Variants in CADM2 observed in about 807,000 individuals in gnomAD.
CADM2 encodes cell adhesion molecule 2.
Under a neutral mutation model 49.8 loss-of-function variants are expected in CADM2, and 12 were observed. The observed-to-expected ratio is 0.24, with a 90% CI of 0.15 to 0.39. The LOEUF (loss-of-function observed/expected upper bound fraction) is 0.39, where lower values mean the gene tolerates loss of function less well. CADM2 is among the 10% of genes least tolerant of loss of function. The probability of loss-of-function intolerance (pLI) is 1.00; values close to 1 mark genes in which losing one functional copy is unlikely to be tolerated. For missense variants in CADM2, 378 were observed against 492.3 expected (o/e 0.77, Z 2.20); for synonymous variants, 214 against 175.4 (o/e 1.22, Z -1.74).
intron 1 of CADM2, among the ~76,000 whole-genome samples, chr3:85,138,277 A>T (rs192465985): frequency 6.6e-6 from 1 of 152,278 alleles, no homozygotes; most frequent in Non-Finnish European, 1.5e-5. Context: ...GATGGGTTAC[A>T]GACACTTTTC....
intron 1 of CADM2, among the ~76,000 whole-genome samples, chr3:85,398,752 GCC>G (rs2034929404): frequency 1.3e-5 from 2 of 152,128 alleles, no homozygotes; most frequent in Non-Finnish European, 2.9e-5. Flanking sequence ...TTCTCTGATG[GCC>G]AGTGATGATG....
chr3:85,270,986 A>G (rs1262102566), intron 1 of CADM2, among the ~76,000 whole-genome samples: 1 of 151,160 alleles, frequency 6.6e-6, no homozygotes, highest in East Asian at 1.9e-4. Context: ...GTGTTTTTCA[A>G]TTTTCCATTT....
At chr3:85,781,313 T>C (rs2070636838) in intron 2 of CADM2, among the ~76,000 whole-genome samples, 1 of 152,208 alleles carries the variant, frequency 6.6e-6, no homozygotes, top group Non-Finnish European at 1.5e-5. Flanking sequence ...TACTGAACTA[T>C]TTTATGAACT....
At chr3:85,276,260 A>G (rs965020078) in intron 1 of CADM2, among the ~76,000 whole-genome samples, 2 of 151,274 alleles carry the variant, frequency 1.3e-5, no homozygotes, top group African/African-American at 2.4e-5. Flanking sequence ...CATTCTGTCC[A>G]TTTCCATATG....
intron 1 of CADM2, among the ~76,000 whole-genome samples, chr3:85,133,901 T>A (rs1182819989): frequency 6.6e-6 from 1 of 152,266 alleles, no homozygotes; most frequent in Middle Eastern, 3.4e-3. Flanking sequence ...CTGGGCGCCG[T>A]GGAGCAGGGG....
intron 1 of CADM2, among the ~76,000 whole-genome samples, chr3:85,611,012 G>A (rs1195476440): frequency 6.6e-6 from 1 of 151,856 alleles, no homozygotes; most frequent in African/African-American, 2.4e-5. Flanking sequence ...CTTTGGAATT[G>A]TCAGACACTA....
chr3:85,497,822 GTCTA>G (rs999975781), intron 1 of CADM2, among the ~76,000 whole-genome samples: 2 of 151,826 alleles, frequency 1.3e-5, no homozygotes, highest in African/African-American at 2.4e-5. Flanking sequence ...CTATCTATCT[GTCTA>G]TCTATTTATC....
At position 85,320,841 on chromosome 3, in the gene CADM2, A is replaced by G. The variant is rs560774357; in HGVS notation, c.61+361173A>G. 5.3e-5 allele frequency among the ~76,000 whole-genome samples: 8 copies of G among 151,912 alleles called. No individual in the cohort carries two copies. In the South Asian group the frequency reaches 1.5e-3, roughly 28 times the overall value. Reference sequence around the variant, plus strand: ...TTTATCACATTGATTACTGCATTTCAGATACCAGTTATTGTGGTTTATATC... The same window carrying G: ...TTTATCACATTGATTACTGCATTTCGGATACCAGTTATTGTGGTTTATATC... On this transcript the variant is annotated intron_variant, in intron 1 of 9. Coordinates refer to ENST00000383699, the MANE Select transcript of CADM2 (RefSeq NM_001167675.2).
chr3:85,544,826 AAAAAG>A (rs1038008522), intron 1 of CADM2, among the ~76,000 whole-genome samples: 11 of 104,220 alleles, frequency 1.1e-4, no homozygotes, highest in African/African-American at 2.0e-4. Context: ...GTGTTCAAAA[AAAAAG>A]AAAAGAAAAG....
chr3:85,801,765 A>G (rs2072056743), intron 2 of CADM2, among the ~76,000 whole-genome samples: 2 of 152,196 alleles, frequency 1.3e-5, no homozygotes, highest in South Asian at 4.1e-4. Context: ...GGAAAGTAAT[A>G]AATATAATAT....
At chr3:85,114,248 T>A (rs950771237) in intron 1 of CADM2, among the ~76,000 whole-genome samples, 8 of 151,890 alleles carry the variant, frequency 5.3e-5, no homozygotes, top group African/African-American at 1.9e-4. Flanking sequence ...TGGATAGGCA[T>A]AGAGAAAACC....
chr3:85,397,514 G>A (rs983282914), intron 1 of CADM2, among the ~76,000 whole-genome samples: 4 of 152,140 alleles, frequency 2.6e-5, no homozygotes, highest in South Asian at 2.1e-4. Context: ...TAAGCAAAGC[G>A]TGCTTATATA....
chr3:85,579,132 A>G (rs891563885), intron 1 of CADM2, among the ~76,000 whole-genome samples: 2 of 152,224 alleles, frequency 1.3e-5, no homozygotes, highest in Admixed American at 6.5e-5. Context: ...TAAGGAAACT[A>G]ATTAGCAAGA....
At chr3:85,243,316 C>A (rs190004121) in intron 1 of CADM2, among the ~76,000 whole-genome samples, 1 of 151,744 alleles carries the variant, frequency 6.6e-6, no homozygotes, top group Non-Finnish European at 1.5e-5. Flanking sequence ...CAGTAGGTAT[C>A]GTATATCTTT....
intron 1 of CADM2, among the ~76,000 whole-genome samples, chr3:85,689,942 C>T (rs2066332761): frequency 6.6e-6 from 1 of 152,154 alleles, no homozygotes; most frequent in South Asian, 2.1e-4. Context: ...AGGGCAGTTT[C>T]TGCAAAATAA....
chr3:85,527,858 A>G (rs1465678783), intron 1 of CADM2, among the ~76,000 whole-genome samples: 1 of 152,122 alleles, frequency 6.6e-6, no homozygotes, highest in African/African-American at 2.4e-5. Flanking sequence ...CGAGGATTGC[A>G]TTTTTTCTCC....
intron 1 of CADM2, among the ~76,000 whole-genome samples, chr3:85,083,196 T>G (rs1229459379): frequency 6.6e-6 from 1 of 152,148 alleles, no homozygotes; most frequent in Non-Finnish European, 1.5e-5. Context: ...AGAAAGCTTA[T>G]TTTTCAGATG....
chr3:85,973,192 A>G (rs1726360138), intron 8 of CADM2, among the ~76,000 whole-genome samples: 2 of 151,786 alleles, frequency 1.3e-5, no homozygotes, highest in Admixed American at 1.3e-4. Flanking sequence ...TATCATCAGG[A>G]GTGATGTTAT....
chr3:85,881,681 G>A (rs1181174363), intron 3 of CADM2, among the ~76,000 whole-genome samples: 1 of 152,140 alleles, frequency 6.6e-6, no homozygotes, highest in Non-Finnish European at 1.5e-5. Flanking sequence ...GTCCACCGAA[G>A]GGAGAAGAGG....
Sources: allele counts gnomAD v4.1 joint callset (sites outside exome capture counted in the v4.1 genomes callset), GRCh38; gene constraint gnomAD v4.1.1; transcripts MANE v1.5; gene names NCBI Gene and HGNC (gene_info 2026-07-23, HGNC 2026-07-21).